The following SNX29 variants were observed in gnomAD, a reference collection of about 807,000 sequenced individuals.
SNX29 encodes the protein sorting nexin-29.
In SNX29, 78 loss-of-function variants were observed where a neutral mutation model predicts 102.1. The observed-to-expected ratio is 0.76, with a 90% confidence interval of 0.64 to 0.92. The LOEUF (loss-of-function observed/expected upper bound fraction) is 0.92, where lower values mean the gene tolerates loss of function less well. SNX29 is among the 40% of genes least tolerant of loss of function. SNX29 has a pLI of 0.00. For synonymous variants in SNX29, 580 were observed against 414.5 expected (o/e 1.40, Z -4.85); for missense variants, 1,280 against 1,061.7 (o/e 1.21, Z -2.86).
intron 14 of SNX29, among the ~76,000 whole-genome samples, chr16:12,224,575 T>C (rs1441427943): frequency 6.6e-6 from 1 of 151,940 alleles, no homozygotes; most frequent in Non-Finnish European, 1.5e-5. Context: ...GATCAGAGGG[T>C]TGAAGGTTGA....
chr16:12,567,143 G>C (rs184252347), intron 20 of SNX29, among the ~76,000 whole-genome samples: 12 of 152,314 alleles, frequency 7.9e-5, no homozygotes, highest in African/African-American at 2.9e-4. Context: ...TGTGAAACTG[G>C]GCTTGGATAC....
chr16:12,568,239 G>C (rs773745235), intron 20 of SNX29, among the ~76,000 whole-genome samples: 24 of 150,696 alleles, frequency 1.6e-4, no homozygotes, highest in Non-Finnish European at 3.1e-4. Flanking sequence ...ATGTAGACCG[G>C]AACGGTGGTA....
chr16:12,467,115 C>T (rs974806360), intron 18 of SNX29, among the ~76,000 whole-genome samples: 2 of 152,226 alleles, frequency 1.3e-5, no homozygotes, highest in African/African-American at 4.8e-5. Context: ...CCTTGTTTCA[C>T]TTCTAACTAG....
intron 15 of SNX29, among the ~76,000 whole-genome samples, chr16:12,328,368 G>A (rs2081186642): frequency 6.6e-6 from 1 of 152,158 alleles, no homozygotes; most frequent in African/African-American, 2.4e-5. Context: ...ATGTATCTTA[G>A]AAGTAAAGAA....
chr16:12,256,048 T>G (rs2078562961), intron 14 of SNX29, among the ~76,000 whole-genome samples: 1 of 152,194 alleles, frequency 6.6e-6, no homozygotes, highest in Admixed American at 6.5e-5. Flanking sequence ...ATCTTTCTTC[T>G]ATTTTATAAC....
chr16:12,405,554 A>G (rs969917891), intron 18 of SNX29, among the ~76,000 whole-genome samples: 2 of 152,134 alleles, frequency 1.3e-5, no homozygotes, highest in African/African-American at 4.8e-5. Flanking sequence ...TCTTGCATGC[A>G]ATTATTTTTC....
intron 14 of SNX29, among the ~76,000 whole-genome samples, chr16:12,220,714 T>C (rs1213500710): frequency 1.3e-5 from 2 of 152,244 alleles, no homozygotes; most frequent in Non-Finnish European, 2.9e-5. Context: ...TGTTTGAATT[T>C]AATGATTCAT....
chr16:12,118,313 C>CTTTCTTTTTTTTTTTTTTTTT (rs1286174976), intron 11 of SNX29, among the ~76,000 whole-genome samples: 1 of 86,112 alleles, frequency 1.2e-5, no homozygotes, highest in African/African-American at 5.2e-5. Flanking sequence ...TACAGACCAC[C>CTTTCTTTTTTTTTTTTTTTTT]TTTTTTTTTT....
At chr16:12,298,757 T>C (rs2080064497) in intron 15 of SNX29, among the ~76,000 whole-genome samples, 1 of 152,116 alleles carries the variant, frequency 6.6e-6, no homozygotes, top group Non-Finnish European at 1.5e-5. Context: ...GAAGGTTAGA[T>C]GTGGGTGTCC....
chr16:12,202,705 T>G (rs2141985136), intron 14 of SNX29, among the ~76,000 whole-genome samples: 1 of 152,372 alleles, frequency 6.6e-6, no homozygotes, highest in South Asian at 2.1e-4. Context: ...CCTCCTCCTC[T>G]CCTTTCACTT....
At chr16:12,350,495 C>T (rs908260314) in intron 15 of SNX29, among the ~76,000 whole-genome samples, 1 of 152,026 alleles carries the variant, frequency 6.6e-6, no homozygotes, top group Non-Finnish European at 1.5e-5. Context: ...GGGACCAATC[C>T]GCCACCCATA....
chr16:12,313,359 A>G (rs554139703), intron 15 of SNX29, among the ~76,000 whole-genome samples: 1 of 152,246 alleles, frequency 6.6e-6, no homozygotes, highest in African/African-American at 2.4e-5. Flanking sequence ...GTGTCTGTGA[A>G]GTAAGGATAA....
rs3867169 is a variant in SNX29 at position 12,034,315 on chromosome 16, C to T, written c.247+6871C>T. Among the ~76,000 whole-genome samples, 18 of 152,322 alleles carry T rather than the reference C, an allele frequency of 1.2e-4. No individual in the cohort carries two copies. In the East Asian group the frequency reaches 2.3e-3, roughly 20 times the overall value. ...TTCCTCACTCGCCCATCCCTGCTTT[C>T]GGTTCCCTGTTGGTGATTTTCTTTT... On this transcript the variant is annotated intron_variant, in intron 4 of 20. Coordinates refer to ENST00000566228, the MANE Select transcript of SNX29 (RefSeq NM_032167.5).
chr16:12,372,133 C>CAT (rs977043794), intron 16 of SNX29, among the ~76,000 whole-genome samples: 2 of 152,174 alleles, frequency 1.3e-5, no homozygotes, highest in Non-Finnish European at 2.9e-5. Flanking sequence ...TATAGGCAGG[C>CAT]ATATATATAC....
chr16:12,487,033 C>T (rs571935417), intron 19 of SNX29, among the ~76,000 whole-genome samples: 11 of 152,138 alleles, frequency 7.2e-5, no homozygotes, highest in African/African-American at 1.7e-4. Context: ...TGTGTGGCCT[C>T]GGGCACGTTA....
chr16:12,472,091 A>G (rs2087371308), intron 18 of SNX29, among the ~76,000 whole-genome samples: 1 of 152,262 alleles, frequency 6.6e-6, no homozygotes, highest in African/African-American at 2.4e-5. Context: ...ATATTCATAC[A>G]GTGGAATACT....
At chr16:12,349,877 C>G (rs1028718288) in intron 15 of SNX29, among the ~76,000 whole-genome samples, 1 of 152,126 alleles carries the variant, frequency 6.6e-6, no homozygotes, top group African/African-American at 2.4e-5. Flanking sequence ...ACTATGGGAA[C>G]CAGTTTTCTT....
chr16:12,563,140 C>A (rs141366289), intron 20 of SNX29, among the ~76,000 whole-genome samples: 1 of 152,086 alleles, frequency 6.6e-6, no homozygotes, highest in Non-Finnish European at 1.5e-5. Context: ...CACACGTCCT[C>A]ATCCCAGCTC....
chr16:12,013,488 G>GAAGAAAA (rs2056726903), intron 3 of SNX29, among the ~76,000 whole-genome samples: 3 of 12,980 alleles, frequency 2.3e-4, no homozygotes, highest in Admixed American at 3.6e-3. Flanking sequence ...TCTACTGGGG[G>GAAGAAAA]AAAAAAAAAA....
Sources: gnomAD v4.1 joint callset for allele counts (sites outside exome capture counted in the v4.1 genomes callset) on GRCh38, gnomAD v4.1.1 for gene constraint, MANE v1.5 for transcripts, NCBI Gene and HGNC (gene_info 2026-07-23, HGNC 2026-07-21) for gene names.